The following DCLK1 variants were observed in gnomAD, a reference collection of about 807,000 sequenced individuals.
DCLK1 encodes the protein serine/threonine-protein kinase DCLK1.
DCLK1 carries 16 observed loss-of-function variants against 86.2 expected under a neutral mutation model. The ratio of observed to expected loss-of-function variants is 0.19; its 90% CI spans 0.13 to 0.28. The LOEUF (loss-of-function observed/expected upper bound fraction) is 0.28, where lower values mean the gene tolerates loss of function less well. Ranked by LOEUF, DCLK1 falls within the 10% of genes least tolerant of loss-of-function variation. The probability of loss-of-function intolerance (pLI) is 1.00; values close to 1 mark genes in which losing one functional copy is unlikely to be tolerated. For missense variants in DCLK1, 590 were observed against 940.2 expected (o/e 0.63, Z 4.87); for synonymous variants, 369 against 370.5 (o/e 1.00, Z 0.05).
chr13:35,983,577 C>T (rs562939671), intron 3 of DCLK1, among the ~76,000 whole-genome samples: 2 of 152,192 alleles, frequency 1.3e-5, no homozygotes, highest in East Asian at 3.9e-4. Context: ...TCAATAATAA[C>T]CTAATTATAC....
At chr13:36,117,477 A>G (rs1345955146) in intron 2 of DCLK1, among the ~76,000 whole-genome samples, 1 of 152,208 alleles carries the variant, frequency 6.6e-6, no homozygotes, top group East Asian at 1.9e-4. Flanking sequence ...GCTAAAATAT[A>G]TGACAAAGGA....
chr13:35,860,473 C>G (rs562189897), intron 5 of DCLK1, among the ~76,000 whole-genome samples: 1 of 152,138 alleles, frequency 6.6e-6, no homozygotes, highest in East Asian at 1.9e-4. Context: ...GTTTCCTCTT[C>G]TTGAACTGAG....
intron 3 of DCLK1, among the ~76,000 whole-genome samples, chr13:35,954,377 C>T (rs147525014): frequency 2.6e-4 from 40 of 152,230 alleles, no homozygotes; most frequent in African/African-American, 7.9e-4. Context: ...GAGGAGGTTC[C>T]TCTTCCAATT....
intron 3 of DCLK1, among the ~76,000 whole-genome samples, chr13:35,951,371 A>C (rs531062584): frequency 1.3e-5 from 2 of 150,752 alleles, no homozygotes; most frequent in African/African-American, 4.9e-5. Context: ...AAAATGTTTC[A>C]ATTTATCTGC....
intron 14 of DCLK1, among the ~76,000 whole-genome samples, chr13:35,806,220 G>T (rs1214203815): frequency 1.3e-5 from 2 of 152,020 alleles, no homozygotes; most frequent in Admixed American, 1.3e-4. Flanking sequence ...TTTCAAGACG[G>T]CATACTTAGG....
chr13:36,059,823 T>G (rs1317377157), intron 3 of DCLK1, among the ~76,000 whole-genome samples: 1 of 152,152 alleles, frequency 6.6e-6, no homozygotes, highest in Non-Finnish European at 1.5e-5. Context: ...GAATTTCTAT[T>G]AGTATATCAT....
intron 6 of DCLK1, among the ~76,000 whole-genome samples, chr13:35,840,974 C>G (rs775578883): frequency 6.6e-6 from 1 of 152,114 alleles, no homozygotes; most frequent in Non-Finnish European, 1.5e-5. Context: ...ACAGTGAGAT[C>G]CTTCATCCTC....
intron 16 of DCLK1, among the ~76,000 whole-genome samples, chr13:35,792,018 A>G (rs1416380545): frequency 1.3e-5 from 2 of 152,210 alleles, no homozygotes; most frequent in Non-Finnish European, 2.9e-5. Flanking sequence ...CAGAACAAAG[A>G]ACACTGACCA....
At chr13:35,953,443 A>C (rs1182943630) in intron 3 of DCLK1, among the ~76,000 whole-genome samples, 59 of 152,010 alleles carry the variant, frequency 3.9e-4, no homozygotes, top group Non-Finnish European at 1.2e-4. Context: ...TGTCTAATAA[A>C]CCCCCCTTTT....
intron 6 of DCLK1, among the ~76,000 whole-genome samples, chr13:35,851,738 T>C (rs1870659396): frequency 6.6e-6 from 1 of 152,230 alleles, no homozygotes. Flanking sequence ...GCCACGAATA[T>C]GCTTATGAAG....
chr13:35,892,538 A>C (rs548021343), intron 4 of DCLK1, among the ~76,000 whole-genome samples: 1 of 152,330 alleles, frequency 6.6e-6, no homozygotes, highest in East Asian at 1.9e-4. Flanking sequence ...TCTCTACTTT[A>C]GACTTAGGAA....
At chr13:35,908,958 A>G (rs1366087474) in intron 4 of DCLK1, among the ~76,000 whole-genome samples, 2 of 152,218 alleles carry the variant, frequency 1.3e-5, no homozygotes, top group East Asian at 3.9e-4. Flanking sequence ...TTTGAACAAG[A>G]AACCAAAAAG....
Position 35,850,351 on chromosome 13 carries a change from A to G in DCLK1, c.1035+4148T>C, listed in dbSNP as rs1309030830. The G allele has an allele frequency of 9.0e-6, 9 of 995,394 alleles. No individual in the cohort carries two copies. The East Asian group carries it at 9.5e-4, about 105-fold the overall frequency. 61.7% of individuals were successfully genotyped at this position (995,394 alleles called of 1,614,324 possible). On this transcript the variant is annotated intron_variant, in intron 6 of 16. Coordinates refer to ENST00000360631, the MANE Select transcript of DCLK1 (RefSeq NM_001330071.2). ...AAATTATATCTCTATGTCTACTTAT[A>G]ATTAAGAAGAAAACTCCATCTGCAG...
chr13:35,945,202 T>C (rs1262240215), intron 4 of DCLK1, among the ~76,000 whole-genome samples: 1 of 152,144 alleles, frequency 6.6e-6, no homozygotes, highest in African/African-American at 2.4e-5. Context: ...ACCCAGCCTG[T>C]GGGCATTGAG....
chr13:35,950,978 A>G (rs1877635204), intron 3 of DCLK1, among the ~76,000 whole-genome samples: 3 of 151,792 alleles, frequency 2.0e-5, no homozygotes, highest in Admixed American at 1.3e-4. Flanking sequence ...ATTTTACTCT[A>G]GTGGATTTTC....
intron 3 of DCLK1, among the ~76,000 whole-genome samples, chr13:36,025,334 T>C (rs1156424179): frequency 1.3e-5 from 2 of 152,210 alleles, no homozygotes; most frequent in Non-Finnish European, 2.9e-5. Flanking sequence ...ATCCAACAAA[T>C]GGTTCTAGGA....
chr13:36,112,247 A>G, intron 2 of DCLK1, 32 bp from the exon 3 acceptor site: 9 of 1,451,418 alleles, frequency 6.2e-6, no homozygotes, highest in Non-Finnish European at 7.3e-6. Context: ...TTAAATTTAT[A>G]CTAAAATATG....
chr13:35,913,464 C>T (rs1280304939), intron 4 of DCLK1, among the ~76,000 whole-genome samples: 1 of 152,184 alleles, frequency 6.6e-6, no homozygotes, highest in Non-Finnish European at 1.5e-5. Flanking sequence ...ACATTTGGCA[C>T]TTCCATTATG....
intron 9 of DCLK1, among the ~76,000 whole-genome samples, 183 bp from the exon 10 acceptor site, chr13:35,827,937 C>T (rs1301907587): frequency 1.3e-5 from 2 of 152,140 alleles, no homozygotes; most frequent in East Asian, 1.9e-4. Flanking sequence ...GAGATCCTTA[C>T]ATAATGCTTG....
Sources: allele counts gnomAD v4.1 joint callset (sites outside exome capture counted in the v4.1 genomes callset), GRCh38; gene constraint gnomAD v4.1.1; transcripts MANE v1.5; gene names NCBI Gene and HGNC (gene_info 2026-07-23, HGNC 2026-07-21).